The following NET1 variants were observed in gnomAD, a reference collection of about 807,000 sequenced individuals.
The protein encoded by NET1 is neuroepithelial cell transforming 1, also known as neuroepithelial cell-transforming gene 1 protein.
Under a neutral mutation model 61.1 loss-of-function variants are expected in NET1, and 42 were observed. The observed-to-expected ratio is 0.69, with a 90% CI of 0.54 to 0.89. The LOEUF (loss-of-function observed/expected upper bound fraction) is 0.89. Ranked by LOEUF, NET1 falls within the 40% of genes least tolerant of loss-of-function variation. NET1 has a pLI of 0.00. For synonymous variants in NET1, 254 were observed against 281.8 expected (o/e 0.90, Z 0.99); for missense variants, 654 against 747.3 (o/e 0.88, Z 1.46).
rs951925072 is a variant in NET1, at chr10:5,435,421, A to G, written c.255+6192A>G. Among the ~76,000 whole-genome samples the G allele has an allele frequency of 4.6e-5, 7 of 152,080 alleles. No homozygotes were observed. The highest frequency in any genetic ancestry group is 1.4e-4 in the African/African-American group (6 of 41,388). On this transcript the variant is annotated intron_variant, in intron 3 of 11. Transcript: ENST00000355029. The surrounding 1 kb of genome is among the most constrained non-coding windows in gnomAD (Gnocchi z 5.0). ...AAGCTAAACATAATCTGTTAGTACA[A>G]TTATTTGATGCCTGTTGCTAGGAGC...
At chr10:5,438,618 C>A (rs777378683) in intron 3 of NET1, among the ~76,000 whole-genome samples, 6 of 152,106 alleles carry the variant, frequency 3.9e-5, no homozygotes, top group Non-Finnish European at 7.4e-5. Flanking sequence ...CAAAGAAAAG[C>A]TCTGAATAAG....
chr10:5,438,229 A>G (rs1832468908), intron 3 of NET1, among the ~76,000 whole-genome samples: 1 of 152,210 alleles, frequency 6.6e-6, no homozygotes. Flanking sequence ...AAGCTGGCAA[A>G]TGGAAGGAAA....
In NET1 at chr10:5,451,359, G is replaced by C. The variant is rs1832699323; in HGVS notation, c.256-471G>C. 6.6e-6 allele frequency among the ~76,000 whole-genome samples: 1 copy of C among 152,126 alleles called. No homozygotes were observed. The highest frequency in any genetic ancestry group is 2.1e-4 in the South Asian group (1 of 4,832). Reference sequence around the variant, plus strand: ...AAGAATGAAATGATACAATGTCTGAGATTTGCTTTAAAACATTTAAGTAGG... The same window carrying C: ...AAGAATGAAATGATACAATGTCTGACATTTGCTTTAAAACATTTAAGTAGG... On this transcript the variant is annotated intron_variant, in intron 3 of 11. Transcript: ENST00000355029. The surrounding 1 kb of genome is among the most constrained non-coding windows in gnomAD (Gnocchi z 6.1).
Position 5,424,390 on chromosome 10 carries a change from G to C in NET1, c.129-2265G>C, listed in dbSNP as rs925208819. On this transcript the variant is annotated intron_variant, in intron 1 of 11. Transcript: ENST00000355029. This position sits in a 1 kb window ranked among gnomAD's most constrained non-coding sequence, Gnocchi z 6.1. ...TGATCTGTGGACTCATGACAGAGAG[G>C]TCCTGTCTTTCCATAATATTTTACC... 6.6e-6 allele frequency among the ~76,000 whole-genome samples: 1 copy of C among 152,076 alleles called. No homozygotes were observed. The highest frequency in any genetic ancestry group is 1.5e-5 in the Non-Finnish European group (1 of 68,004).
In NET1 at chr10:5,444,929, C is replaced by T. The variant is rs1564465198; in HGVS notation, c.256-6901C>T. On this transcript the variant is annotated intron_variant, in intron 3 of 11. Coordinates refer to ENST00000355029, the MANE Select transcript of NET1 (RefSeq NM_001047160.3). The surrounding 1 kb of genome is among the most constrained non-coding windows in gnomAD (Gnocchi z 5.3). ...CTTCTTATTTCTTGATTTGCACTAA[C>T]AGTTACCCCTCCTATTTAAAGAATT... Among the ~76,000 whole-genome samples the T allele has an allele frequency of 6.6e-6, 1 of 152,220 alleles. No homozygotes were observed. Among genetic ancestry groups the T allele is most frequent in the Non-Finnish European group, 1.5e-5 (1 of 68,038 alleles).
rs995416978 is a variant in NET1, at chr10:5,440,183, G to A, written c.255+10954G>A. On this transcript the variant is annotated intron_variant, in intron 3 of 11. Coordinates refer to ENST00000355029, the MANE Select transcript of NET1 (RefSeq NM_001047160.3). This position sits in a 1 kb window ranked among gnomAD's most constrained non-coding sequence, Gnocchi z 4.1. Reference sequence around the variant, plus strand: ...ATACAGTGGGCCTGTATGATGTTCTGTGAAATATCCGGTCCTTGCCGACTT... The same window carrying A: ...ATACAGTGGGCCTGTATGATGTTCTATGAAATATCCGGTCCTTGCCGACTT... Among the ~76,000 whole-genome samples the A allele has an allele frequency of 1.3e-5, 2 of 152,222 alleles. No individual in the cohort carries two copies. The highest frequency in any genetic ancestry group is 2.9e-5 in the Non-Finnish European group (2 of 68,046).
rs932510733 is a variant in NET1, at chr10:5,431,245, G to C, written c.255+2016G>C. The stretch of plus-strand genomic sequence containing the variant: ...TATTTTCTTGGAATTTTTTGTTGTT[G>C]AAGAAACATGTCATGCAGGATTTTC... On this transcript the variant is annotated intron_variant, in intron 3 of 11. Transcript: ENST00000355029. This position sits in a 1 kb window ranked among gnomAD's most constrained non-coding sequence, Gnocchi z 4.9. Among the ~76,000 whole-genome samples the C allele has an allele frequency of 6.6e-6, 1 of 152,138 alleles. No homozygotes were observed. The highest frequency in any genetic ancestry group is 2.4e-5 in the African/African-American group (1 of 41,426).
chr10:5,430,964 C>T (rs1482189202), intron 3 of NET1, among the ~76,000 whole-genome samples: 6 of 150,560 alleles, frequency 4.0e-5, no homozygotes, highest in Middle Eastern at 3.4e-3. Context: ...CTCCGCCTCC[C>T]GGGTTCACAC....
At chr10:5,436,713 T>A (rs184302741) in intron 3 of NET1, among the ~76,000 whole-genome samples, 2 of 152,310 alleles carry the variant, frequency 1.3e-5, no homozygotes, top group East Asian at 3.9e-4. Flanking sequence ...ATACCACTTT[T>A]GAGAAACAAC....
Position 5,437,788 on chromosome 10 carries a change from A to G in NET1, c.255+8559A>G, listed in dbSNP as rs1014267597. On this transcript the variant is annotated intron_variant, in intron 3 of 11. Coordinates refer to ENST00000355029, the MANE Select transcript of NET1 (RefSeq NM_001047160.3). This position sits in a 1 kb window ranked among gnomAD's most constrained non-coding sequence, Gnocchi z 4.3. Reference sequence around the variant, plus strand: ...ACAGACATACAGAGCCCTTCACCCAACAACAGTAGATTATACATTTTTCTC... The same window carrying G: ...ACAGACATACAGAGCCCTTCACCCAGCAACAGTAGATTATACATTTTTCTC... 2.0e-5 allele frequency among the ~76,000 whole-genome samples: 3 copies of G among 152,142 alleles called. No homozygotes were observed. The highest frequency in any genetic ancestry group is 7.2e-5 in the African/African-American group (3 of 41,438).
At position 5,440,531 on chromosome 10, in the gene NET1, A is replaced by G. The variant is rs1832507545; in HGVS notation, c.256-11299A>G. On this transcript the variant is annotated intron_variant, in intron 3 of 11. Coordinates refer to ENST00000355029, the MANE Select transcript of NET1 (RefSeq NM_001047160.3). The surrounding 1 kb of genome is among the most constrained non-coding windows in gnomAD (Gnocchi z 4.1). ...ACAGAATGAGGATCTAGTGGAGACT[A>G]TCACTTGTGCAGTCCGTAACTCTGA... 6.6e-6 allele frequency among the ~76,000 whole-genome samples: 1 copy of G among 152,186 alleles called. No individual in the cohort carries two copies. The highest frequency in any genetic ancestry group is 2.1e-4 in the South Asian group (1 of 4,822).
chr10:5,421,383 T>C lies in NET1; in HGVS notation c.129-5272T>C, dbSNP rs1832172188. 6.6e-6 allele frequency among the ~76,000 whole-genome samples: 1 copy of C among 152,258 alleles called. No homozygotes were observed. Among genetic ancestry groups the C allele is most frequent in the South Asian group, 2.1e-4 (1 of 4,836 alleles). The stretch of plus-strand genomic sequence containing the variant: ...CTTTTTTGCAGATTTGAAATAATGC[T>C]GTCCATTGGTAGAAAAATAATAGTA... On this transcript the variant is annotated intron_variant, in intron 1 of 11. Coordinates refer to ENST00000355029, the MANE Select transcript of NET1 (RefSeq NM_001047160.3). The surrounding 1 kb of genome is among the most constrained non-coding windows in gnomAD (Gnocchi z 4.2).
Position 5,422,284 on chromosome 10 carries a change from CCG to C in NET1, c.129-4370_129-4369del, listed in dbSNP as rs1832187603. 6.6e-6 allele frequency among the ~76,000 whole-genome samples: 1 copy of C among 151,916 alleles called. No individual in the cohort carries two copies. Among genetic ancestry groups the C allele is most frequent in the South Asian group, 2.1e-4 (1 of 4,816 alleles). On this transcript the variant is annotated intron_variant, in intron 1 of 11. Transcript: ENST00000355029. The surrounding 1 kb of genome is among the most constrained non-coding windows in gnomAD (Gnocchi z 4.1). ...CCCTGGAGGCGGAGGTTGTAGTGAG[CCG>C]AGATCGTACCACTGCACTCCAGCCT...
Position 5,443,038 on chromosome 10 carries a change from G to A in NET1, c.256-8792G>A, listed in dbSNP as rs537083490. ...GGTTTCCTCCTCTATAAAAGTATTG[G>A]CAATTTAGTGAATACTGCTAGCCTG... On this transcript the variant is annotated intron_variant, in intron 3 of 11. Transcript: ENST00000355029. The surrounding 1 kb of genome is among the most constrained non-coding windows in gnomAD (Gnocchi z 4.8). Among the ~76,000 whole-genome samples, 7 of 152,248 alleles carry A rather than the reference G, an allele frequency of 4.6e-5. No individual in the cohort carries two copies. Among genetic ancestry groups the A allele is most frequent in the African/African-American group, 1.7e-4 (7 of 41,546 alleles).
In NET1 at chr10:5,452,580, A is replaced by G. The variant is rs1172713859; in HGVS notation, c.531+55A>G. 2 of 1,533,868 alleles carry G rather than the reference A, an allele frequency of 1.3e-6. No individual in the cohort carries two copies. The highest frequency in any genetic ancestry group is 4.0e-5 in the Admixed American group (2 of 50,158). The stretch of plus-strand genomic sequence containing the variant: ...CCAAAAGAACAGCAAATTGATGCCG[A>G]TGGCAAAATTAACTTGGATTTTTGT... On this transcript the variant is annotated intron_variant, in intron 5 of 11. Coordinates refer to ENST00000355029, the MANE Select transcript of NET1 (RefSeq NM_001047160.3). The surrounding 1 kb of genome is among the most constrained non-coding windows in gnomAD (Gnocchi z 4.0).
intron 3 of NET1, among the ~76,000 whole-genome samples, chr10:5,429,752 A>C (rs1325441922): frequency 6.6e-6 from 1 of 152,232 alleles, no homozygotes; most frequent in Non-Finnish European, 1.5e-5. Flanking sequence ...ACACACTTTA[A>C]AATACTTGAA....
rs752231907 is a variant in NET1, at chr10:5,426,740, T to C, written c.195+19T>C. ...CACTTTGGTGAGTAGATACCTGGGT[T>C]TTTATTTCGAGACATTAGATAGAAT... On this transcript the variant is annotated intron_variant, in intron 2 of 11. Coordinates refer to ENST00000355029, the MANE Select transcript of NET1 (RefSeq NM_001047160.3). The surrounding 1 kb of genome is among the most constrained non-coding windows in gnomAD (Gnocchi z 4.6). The C allele has an allele frequency of 3.0e-5, 47 of 1,563,634 alleles. No individual in the cohort carries two copies. The highest frequency in any genetic ancestry group is 4.1e-5 in the Non-Finnish European group (47 of 1,149,356).
rs1301950282 is a variant in NET1, at chr10:5,446,600, G to A, written c.256-5230G>A. The A allele has an allele frequency of 8.2e-7, 1 of 1,216,854 alleles. No homozygotes were observed. The highest frequency in any genetic ancestry group is 1.0e-6 in the Non-Finnish European group (1 of 975,434). The allele number at this position is 1,216,854 out of a possible 1,614,324, so 75.4% of individuals were successfully genotyped here. A position where few individuals can be genotyped will look rare whatever the true frequency, so the allele number is the denominator to read the frequency against. ...GCCCTGGGGTCGGTGCTTGCTGCCT[G>A]CGGCTCTCAGAAGCCTCTGCTCCAC... On this transcript the variant is annotated intron_variant, in intron 3 of 11. Coordinates refer to ENST00000355029, the MANE Select transcript of NET1 (RefSeq NM_001047160.3). This position sits in a 1 kb window ranked among gnomAD's most constrained non-coding sequence, Gnocchi z 5.0.
chr10:5,451,339 T>G lies in NET1; in HGVS notation c.256-491T>G, dbSNP rs1832699162. Among the ~76,000 whole-genome samples the G allele has an allele frequency of 6.6e-6, 1 of 152,160 alleles. No homozygotes were observed. Among genetic ancestry groups the G allele is most frequent in the Non-Finnish European group, 1.5e-5 (1 of 68,012 alleles). On this transcript the variant is annotated intron_variant, in intron 3 of 11. Transcript: ENST00000355029. This position sits in a 1 kb window ranked among gnomAD's most constrained non-coding sequence, Gnocchi z 6.1. ...ATTTTCTAACGGAAGTAGTTAAGAA[T>G]GAAATGATACAATGTCTGAGATTTG...
Sources: allele counts gnomAD v4.1 joint callset (sites outside exome capture counted in the v4.1 genomes callset), GRCh38; gene constraint gnomAD v4.1.1; non-coding constraint Gnocchi (gnomAD v3.1); transcripts MANE v1.5; gene names NCBI Gene and HGNC (gene_info 2026-07-23, HGNC 2026-07-21).